Variants in EHBP1 observed in about 807,000 individuals in gnomAD.
The protein encoded by EHBP1 is EH domain binding protein 1, also known as EH domain-binding protein 1.
A neutral mutation model predicts 144.0 loss-of-function variants in EHBP1; 55 were observed. The ratio of observed to expected loss-of-function variants is 0.38; its 90% CI spans 0.31 to 0.48. The LOEUF (loss-of-function observed/expected upper bound fraction) is 0.48. Among genes scored for constraint, EHBP1 ranks in the 20% least tolerant of loss-of-function variants. EHBP1 has a pLI of 0.98. For synonymous variants in EHBP1, 469 were observed against 472.7 expected, an observed-to-expected ratio of 0.99 and a Z score of 0.10; for missense variants, 1,200 against 1,364.2, an observed-to-expected ratio of 0.88 and a Z score of 1.90.
intron 5 of EHBP1, among the ~76,000 whole-genome samples, chr2:62,775,992 G>A (rs2042028809): frequency 6.6e-6 from 1 of 152,180 alleles, no homozygotes. Context: ...TGGTAAGTCT[G>A]TGAAGAATAT....
At chr2:62,956,688 GAAAAA>G (rs552448173) in intron 14 of EHBP1, among the ~76,000 whole-genome samples, 50,951 of 107,358 alleles carry the variant, frequency 0.47, 8,980 homozygotes, top group South Asian at 0.59. Flanking sequence ...TCTACTTACA[GAAAAA>G]AAAAAAAAAA....
intron 14 of EHBP1, among the ~76,000 whole-genome samples, chr2:62,963,521 C>A (rs1004489169): frequency 1.3e-5 from 2 of 152,080 alleles, no homozygotes; most frequent in African/African-American, 4.8e-5. Context: ...ATTATACTTA[C>A]ATATTTATGA....
chr2:62,995,657 A>C (rs2059600846), intron 18 of EHBP1, among the ~76,000 whole-genome samples: 1 of 152,100 alleles, frequency 6.6e-6, no homozygotes, highest in Admixed American at 6.6e-5. Flanking sequence ...GGTGGTAAGA[A>C]TAATCACTTA....
chr2:62,924,498 A>T (rs949213708), intron 10 of EHBP1, among the ~76,000 whole-genome samples: 1 of 152,186 alleles, frequency 6.6e-6, no homozygotes, highest in Non-Finnish European at 1.5e-5. Flanking sequence ...AGAAGACCCA[A>T]ATAAATCAGA....
At chr2:62,801,012 A>G (rs1035565794) in intron 5 of EHBP1, among the ~76,000 whole-genome samples, 1 of 152,220 alleles carries the variant, frequency 6.6e-6, no homozygotes, top group Non-Finnish European at 1.5e-5. Flanking sequence ...CACCACCTCT[A>G]AGAGAAAAGT....
chr2:62,685,364 G>T (rs2033683703), intron 1 of EHBP1, among the ~76,000 whole-genome samples: 1 of 152,086 alleles, frequency 6.6e-6, no homozygotes. Context: ...CAGCATTGTT[G>T]GTTCCTTCTG....
At chr2:62,850,791 T>G (rs1428844558) in intron 7 of EHBP1, among the ~76,000 whole-genome samples, 1 of 152,176 alleles carries the variant, frequency 6.6e-6, no homozygotes, top group African/African-American at 2.4e-5. Context: ...AATTTTCTTT[T>G]AAGTTAATTT....
intron 2 of EHBP1, among the ~76,000 whole-genome samples, chr2:62,746,038 G>A (rs1293967549): frequency 2.0e-5 from 3 of 152,036 alleles, no homozygotes; most frequent in Non-Finnish European, 2.9e-5. Flanking sequence ...GGAGATGAGA[G>A]CATAAGTGAA....
At chr2:62,932,639 A>C (rs1029316051) in intron 10 of EHBP1, among the ~76,000 whole-genome samples, 4 of 152,122 alleles carry the variant, frequency 2.6e-5, no homozygotes, top group Admixed American at 6.5e-5. Flanking sequence ...GAATATACTA[A>C]TACTATTAAC....
intron 10 of EHBP1, among the ~76,000 whole-genome samples, chr2:62,915,927 T>C (rs540641638): frequency 2.0e-5 from 3 of 152,272 alleles, no homozygotes; most frequent in African/African-American, 7.2e-5. Flanking sequence ...CACAGAACAA[T>C]GAAATACTAT....
At chr2:62,838,216 T>G (rs981187133) in intron 7 of EHBP1, among the ~76,000 whole-genome samples, 1 of 152,130 alleles carries the variant, frequency 6.6e-6, no homozygotes, top group Non-Finnish European at 1.5e-5. Flanking sequence ...ACATGGAAAC[T>G]GAACAACCTG....
At chr2:63,043,918 T>C (rs2061792965) in intron 21 of EHBP1, 1 of 112,204 alleles carries the variant, frequency 8.9e-6, no homozygotes, top group East Asian at 2.8e-4. Flanking sequence ...GTGGCCATGG[T>C]TCTTTTTTTT....
intron 10 of EHBP1, among the ~76,000 whole-genome samples, chr2:62,935,000 T>C (rs951301536): frequency 6.6e-6 from 1 of 152,042 alleles, no homozygotes; most frequent in Non-Finnish European, 1.5e-5. Flanking sequence ...ATAATTGATA[T>C]CATTACAAAA....
At chr2:62,915,516 G>A (rs1558906583) in intron 10 of EHBP1, among the ~76,000 whole-genome samples, 2 of 151,868 alleles carry the variant, frequency 1.3e-5, no homozygotes, top group South Asian at 2.1e-4. Context: ...AAGACAGCAC[G>A]CTATTTGAGC....
At chr2:62,793,149 T>G (rs907111693) in intron 5 of EHBP1, among the ~76,000 whole-genome samples, 3 of 152,134 alleles carry the variant, frequency 2.0e-5, no homozygotes, top group Non-Finnish European at 2.9e-5. Context: ...CATAAATTCA[T>G]TAATGTTATT....
intron 15 of EHBP1, among the ~76,000 whole-genome samples, chr2:62,987,014 G>A (rs1031653530): frequency 1.3e-5 from 2 of 152,024 alleles, no homozygotes; most frequent in African/African-American, 4.8e-5. Context: ...GGGTAGTAGG[G>A]GTATTCTTCA....
chr2:62,882,143 T>C (rs2051487659), intron 10 of EHBP1, among the ~76,000 whole-genome samples: 2 of 152,244 alleles, frequency 1.3e-5, no homozygotes, highest in African/African-American at 2.4e-5. Flanking sequence ...TCTGAAATAG[T>C]TCATTTTATT....
At chr2:62,853,780 G>A (rs1558796006) in intron 7 of EHBP1, among the ~76,000 whole-genome samples, 1 of 152,188 alleles carries the variant, frequency 6.6e-6, no homozygotes, top group Non-Finnish European at 1.5e-5. Context: ...CTAATCACCT[G>A]TACATCTCCA....
At chr2:62,786,128 T>A (rs1423441198) in intron 5 of EHBP1, among the ~76,000 whole-genome samples, 2 of 152,148 alleles carry the variant, frequency 1.3e-5, no homozygotes, top group African/African-American at 4.8e-5. Context: ...CATATTAGGG[T>A]TTGGCTGGGC....
Sources: gnomAD v4.1 joint callset for allele counts (sites outside exome capture counted in the v4.1 genomes callset) on GRCh38, gnomAD v4.1.1 for gene constraint, MANE v1.5 for transcripts, NCBI Gene and HGNC (gene_info 2026-07-23, HGNC 2026-07-21) for gene names.